Variants in GNG7 observed in about 807,000 individuals in gnomAD.
GNG7 encodes guanine nucleotide-binding protein G(I)/G(S)/G(O) subunit gamma-7.
GNG7 carries 1 observed loss-of-function variant against 4.0 expected under a neutral mutation model. The ratio of observed to expected loss-of-function variants is 0.25; its 90% CI spans 0.09 to 1.18. The LOEUF is 1.18. GNG7 is among the 50% of genes most tolerant of loss of function. The pLI is 0.50. For synonymous variants in GNG7, 34 were observed against 36.9 expected (o/e 0.92, Z 0.29); for missense variants, 86 against 91.9 (o/e 0.94, Z 0.26).
intron 1 of GNG7, among the ~76,000 whole-genome samples, chr19:2,678,651 C>A (rs58409553): frequency 0.079 from 11,969 of 151,972 alleles, 866 homozygotes; most frequent in African/African-American, 0.2. Flanking sequence ...ATAAGGTGTC[C>A]AGTCTCGGAG....
At chr19:2,604,639 C>CA (rs71178297) in intron 2 of GNG7, among the ~76,000 whole-genome samples, 11,208 of 87,846 alleles carry the variant, frequency 0.13, 1,658 homozygotes, top group African/African-American at 0.35. Context: ...GACCCTCCTT[C>CA]AAAAAAAAAA....
At chr19:2,688,909 A>G (rs552839582) in intron 1 of GNG7, among the ~76,000 whole-genome samples, 1 of 151,890 alleles carries the variant, frequency 6.6e-6, no homozygotes, top group African/African-American at 2.4e-5. Flanking sequence ...CTACAATAAA[A>G]CAAAAATTAG....
At chr19:2,641,456 G>A (rs1461223002) in intron 2 of GNG7, among the ~76,000 whole-genome samples, 3 of 145,140 alleles carry the variant, frequency 2.1e-5, no homozygotes, top group Non-Finnish European at 4.6e-5. Flanking sequence ...AGGCAGGAGG[G>A]TGAGAGTCAA....
At chr19:2,534,420 A>C (rs1036426221) in intron 3 of GNG7, among the ~76,000 whole-genome samples, 3 of 152,166 alleles carry the variant, frequency 2.0e-5, no homozygotes, top group Admixed American at 2.0e-4. Flanking sequence ...TCCTTACAAA[A>C]TCAAGTGCAA....
At position 2,652,292 on chromosome 19, in the gene GNG7, C is replaced by T. The variant is rs144896417; in HGVS notation, c.-134-6012G>A. Among the ~76,000 whole-genome samples, 719 of 152,212 alleles carry T rather than the reference C, an allele frequency of 4.7e-3. 10 individuals are homozygous for T. The highest frequency in any genetic ancestry group is 0.027 in the South Asian group (129 of 4,828). The stretch of plus-strand genomic sequence containing the variant: ...GAGAGAAAAACACTGCGTAATCCCA[C>T]GTATTGTGGAGTCCAAAAACAAAAC... On this transcript the variant is annotated intron_variant, in intron 1 of 4. Coordinates refer to ENST00000382159, the MANE Select transcript of GNG7 (RefSeq NM_052847.3).
intron 3 of GNG7, among the ~76,000 whole-genome samples, chr19:2,534,829 A>G (rs1320229145): frequency 1.3e-5 from 2 of 152,190 alleles, no homozygotes; most frequent in Non-Finnish European, 2.9e-5. Context: ...GGAAAAACCT[A>G]TCTGTCAGCT....
At chr19:2,637,655 C>T (rs749118087) in intron 2 of GNG7, among the ~76,000 whole-genome samples, 40 of 152,230 alleles carry the variant, frequency 2.6e-4, no homozygotes, top group Non-Finnish European at 5.0e-4. Flanking sequence ...CCACTAATTC[C>T]GTCCCCTCTA....
At chr19:2,686,369 G>A (rs982631944) in intron 1 of GNG7, among the ~76,000 whole-genome samples, 5 of 152,152 alleles carry the variant, frequency 3.3e-5, no homozygotes, top group Admixed American at 3.3e-4. Flanking sequence ...CATTGGCCAG[G>A]CTGGTCTCCA....
intron 1 of GNG7, among the ~76,000 whole-genome samples, chr19:2,683,930 G>A (rs949513818): frequency 1.3e-5 from 2 of 152,100 alleles, no homozygotes; most frequent in African/African-American, 2.4e-5. Flanking sequence ...GCTCAAATCC[G>A]CCCTCAGCCC....
chr19:2,639,006 G>A (rs1030442341), intron 2 of GNG7, among the ~76,000 whole-genome samples: 2 of 152,156 alleles, frequency 1.3e-5, no homozygotes, highest in African/African-American at 4.8e-5. Context: ...GGAGGCTGAG[G>A]CAGAAGGATC....
chr19:2,561,204 C>A (rs1187169387), intron 2 of GNG7, among the ~76,000 whole-genome samples: 3 of 151,948 alleles, frequency 2.0e-5, no homozygotes, highest in Admixed American at 2.0e-4. Context: ...ATCCCATAAC[C>A]CAGGGGGGCT....
intron 3 of GNG7, among the ~76,000 whole-genome samples, chr19:2,544,332 T>C (rs1979056493): frequency 1.3e-5 from 2 of 152,176 alleles, no homozygotes; most frequent in South Asian, 4.1e-4. Context: ...CCTGCGTCAA[T>C]GTGCACATCT....
At position 2,567,136 on chromosome 19, in the gene GNG7, A is replaced by C. The variant is rs1466218558; in HGVS notation, c.-77-11948T>G. ...CAAAAAAAAAAACAAAAAAAACAAA[A>C]AAAAAACAAAAAAAAAAACACAAAA... On this transcript the variant is annotated intron_variant, in intron 2 of 4. Coordinates refer to ENST00000382159, the MANE Select transcript of GNG7 (RefSeq NM_052847.3). 2.1e-5 allele frequency among the ~76,000 whole-genome samples: 3 copies of C among 141,336 alleles called. 1 individual carries two copies. Among genetic ancestry groups the C allele is most frequent in the African/African-American group, 8.9e-5 (3 of 33,874 alleles). 92.7% of individuals were successfully genotyped at this position (141,336 alleles called of 152,430 possible).
intron 2 of GNG7, among the ~76,000 whole-genome samples, chr19:2,573,618 A>T (rs1599399348): frequency 6.6e-6 from 1 of 151,692 alleles, no homozygotes; most frequent in Admixed American, 6.6e-5. Context: ...GGAGTTCGAG[A>T]CCAGCCTGGT....
intron 1 of GNG7, among the ~76,000 whole-genome samples, chr19:2,665,390 G>A (rs1029330643): frequency 8.0e-5 from 12 of 149,890 alleles, no homozygotes; most frequent in African/African-American, 2.5e-4. Context: ...TCACCCTGCC[G>A]TGCTGGACAG....
At chr19:2,677,388 G>C (rs1448776232) in intron 1 of GNG7, among the ~76,000 whole-genome samples, 1 of 152,104 alleles carries the variant, frequency 6.6e-6, no homozygotes, top group Non-Finnish European at 1.5e-5. Flanking sequence ...TCCTGGCGTG[G>C]AGTGGGTGGA....
In GNG7 at chr19:2,575,592, GACACGCAGGC is replaced by G. The variant is rs1555695082; in HGVS notation, c.-77-20414_-77-20405del. On this transcript the variant is annotated intron_variant, in intron 2 of 4. Transcript: ENST00000382159. ...ACACGCAGACACGCAGGCACACGCA[GACACGCAGGC>G]ACACGCAGGCACACACAGACATGCA... Among the ~76,000 whole-genome samples the G allele has an allele frequency of 1.1e-4, 13 of 121,700 alleles. No homozygotes were observed. In the East Asian group the frequency reaches 2.4e-3, roughly 23 times the overall value. The allele number at this position is 121,700 out of a possible 152,430, so 79.8% of individuals were successfully genotyped here. A position where few individuals can be genotyped will look rare whatever the true frequency, so the allele number is the denominator to read the frequency against.
At chr19:2,543,605 G>A (rs550406699) in intron 3 of GNG7, among the ~76,000 whole-genome samples, 38 of 152,194 alleles carry the variant, frequency 2.5e-4, no homozygotes, top group South Asian at 4.1e-4. Context: ...TCCATGAGCC[G>A]AGCAAACCGT....
rs59909375 is a variant in GNG7, at chr19:2,663,601, A to T, written c.-134-17321T>A. Reference sequence around the variant, plus strand: ...CCTTTTCCTAAAAGCCAGCAATTGGATTTTTCATTTTCTTGTTTTTCCAAT... The same window carrying T: ...CCTTTTCCTAAAAGCCAGCAATTGGTTTTTTCATTTTCTTGTTTTTCCAAT... On this transcript the variant is annotated intron_variant, in intron 1 of 4. Transcript: ENST00000382159. Among the ~76,000 whole-genome samples the T allele has an allele frequency of 3.0e-3, 462 of 152,242 alleles. 5 individuals are homozygous for T. In the East Asian group the frequency reaches 0.041, roughly 13 times the overall value.
Sources: gnomAD v4.1 joint callset for allele counts (sites outside exome capture counted in the v4.1 genomes callset) on GRCh38, gnomAD v4.1.1 for gene constraint, MANE v1.5 for transcripts, NCBI Gene and HGNC (gene_info 2026-07-23, HGNC 2026-07-21) for gene names.